KIAA2012: variants seen among roughly 807,000 people sequenced by gnomAD.
KIAA2012 encodes KIAA2012.
In KIAA2012, 125 loss-of-function variants were observed where a neutral mutation model predicts 150.6. The observed-to-expected ratio is 0.83, with a 90% CI of 0.72 to 0.96. The LOEUF is 0.96. Among genes scored for constraint, KIAA2012 ranks in the 40% least tolerant of loss-of-function variants. The pLI is 0.00. For missense variants in KIAA2012, 1,219 were observed against 1,354.9 expected (o/e 0.90, Z 1.57); for synonymous variants, 462 against 504.7 (o/e 0.92, Z 1.13).
intron 17 of KIAA2012, among the ~76,000 whole-genome samples, chr2:202,187,628 G>T (rs1236169782): frequency 6.6e-6 from 1 of 152,108 alleles, no homozygotes; most frequent in South Asian, 2.1e-4. Context: ...TCCTACAAAG[G>T]TACTGAGTGG....
At chr2:202,078,865 GA>G (rs1224143449) in intron 2 of KIAA2012, among the ~76,000 whole-genome samples, 3 of 152,102 alleles carry the variant, frequency 2.0e-5, no homozygotes, top group Non-Finnish European at 4.4e-5. Flanking sequence ...AGGCCACATA[GA>G]AAACATCACC....
At chr2:202,100,150 C>G (rs1690003561) in intron 6 of KIAA2012, among the ~76,000 whole-genome samples, 157 bp from the exon 7 acceptor site, 1 of 152,214 alleles carries the variant, frequency 6.6e-6, no homozygotes, top group Admixed American at 6.5e-5. Flanking sequence ...GACTGGGGCT[C>G]TCTGAACCTG....
intron 2 of KIAA2012, among the ~76,000 whole-genome samples, chr2:202,077,938 C>G (rs1574998395): frequency 6.6e-6 from 1 of 152,156 alleles, no homozygotes; most frequent in Non-Finnish European, 1.5e-5. Flanking sequence ...AATCATAATA[C>G]CCAGTGCCAG....
At chr2:202,179,717 G>A (rs778185188) in intron 15 of KIAA2012, 123 of 660,490 alleles carry the variant, frequency 1.9e-4, no homozygotes, top group Middle Eastern at 5.6e-4. Flanking sequence ...TGGAATGAGG[G>A]ACAACCATAT....
intron 15 of KIAA2012, among the ~76,000 whole-genome samples, chr2:202,167,344 G>A (rs1176273463): frequency 1.3e-5 from 2 of 152,098 alleles, no homozygotes; most frequent in Non-Finnish European, 2.9e-5. Context: ...TCTAGGCCCC[G>A]CCCTCAGAGT....
intron 12 of KIAA2012, among the ~76,000 whole-genome samples, chr2:202,132,756 G>GTATA (rs1451442455): frequency 2.3e-5 from 2 of 87,784 alleles, no homozygotes; most frequent in African/African-American, 8.8e-5. Flanking sequence ...TAGTATATAT[G>GTATA]TATATATATA....
At chr2:202,129,467 G>T (rs1201379336) in intron 12 of KIAA2012, among the ~76,000 whole-genome samples, 1 of 152,018 alleles carries the variant, frequency 6.6e-6, no homozygotes, top group African/African-American at 2.4e-5. Context: ...TGATCCACCC[G>T]CCTCGGCCTC....
intron 15 of KIAA2012, among the ~76,000 whole-genome samples, chr2:202,181,683 T>C (rs868156469): frequency 6.6e-6 from 1 of 152,178 alleles, no homozygotes; most frequent in Non-Finnish European, 1.5e-5. Flanking sequence ...TATGGAAATA[T>C]GATATTCATT....
rs771502675 is a variant in KIAA2012, at chr2:202,170,809, G to A, written c.2119+5453G>A. Among the ~76,000 whole-genome samples, 6 of 152,206 alleles carry A rather than the reference G, an allele frequency of 3.9e-5. No homozygotes were observed. In the East Asian group the frequency reaches 1.2e-3, roughly 29 times the overall value. On this transcript the variant is annotated intron_variant, in intron 15 of 23. Coordinates refer to ENST00000498697, the MANE Select transcript of KIAA2012 (RefSeq NM_001277372.4). ...GTGATGAAGACATCAAGAGAAGGCAGCAGTTCACACTCCCTGTGTGCCAGG... is the reference window on the plus strand; with the variant it reads ...GTGATGAAGACATCAAGAGAAGGCAACAGTTCACACTCCCTGTGTGCCAGG...
At chr2:202,087,507 T>C (rs1689599869) in intron 2 of KIAA2012, among the ~76,000 whole-genome samples, 1 of 32,184 alleles carries the variant, frequency 3.1e-5, no homozygotes, top group Non-Finnish European at 5.5e-5. Flanking sequence ...AGCGAAACCA[T>C]CTCAAAAAAA....
chr2:202,075,652 T>C (rs1689309369), intron 2 of KIAA2012, among the ~76,000 whole-genome samples: 1 of 152,240 alleles, frequency 6.6e-6, no homozygotes, highest in Non-Finnish European at 1.5e-5. Context: ...TTTTCCATCC[T>C]GAATACAATA....
At chr2:202,116,021 T>C (rs1362496769) in intron 11 of KIAA2012, 1 of 152,170 alleles carries the variant, frequency 6.6e-6, no homozygotes, top group Non-Finnish European at 1.5e-5. Context: ...AAAGTTAACT[T>C]AGAAGGATAC....
intron 15 of KIAA2012, chr2:202,179,724 A>G: frequency 1.5e-6 from 1 of 659,070 alleles, no homozygotes; most frequent in Non-Finnish European, 2.9e-6. Context: ...AGGGACAACC[A>G]TATTTATTTC....
At chr2:202,100,658 T>C (rs1275863930) in intron 7 of KIAA2012, among the ~76,000 whole-genome samples, 1 of 152,242 alleles carries the variant, frequency 6.6e-6, no homozygotes. Flanking sequence ...GAATTTCAGC[T>C]GCCACCAATT....
intron 23 of KIAA2012, among the ~76,000 whole-genome samples, chr2:202,202,791 A>G (rs531126096): frequency 5.3e-5 from 8 of 152,110 alleles, no homozygotes; most frequent in Non-Finnish European, 8.8e-5. Flanking sequence ...TTAGCCAGGC[A>G]TGGTGGGGTG....
chr2:202,189,928 C>T (rs1372661994), intron 18 of KIAA2012, among the ~76,000 whole-genome samples: 1 of 151,866 alleles, frequency 6.6e-6, no homozygotes, highest in Non-Finnish European at 1.5e-5. Flanking sequence ...CCTGTTTCTA[C>T]AAAAAATACA....
At chr2:202,096,050 C>A (rs185645620) in intron 4 of KIAA2012, among the ~76,000 whole-genome samples, 3 of 152,158 alleles carry the variant, frequency 2.0e-5, no homozygotes, top group Admixed American at 6.5e-5. Context: ...TGCCACTGCA[C>A]TCCAGCCTGG....
intron 2 of KIAA2012, among the ~76,000 whole-genome samples, chr2:202,084,150 CTCTT>C (rs1689510807): frequency 6.6e-6 from 1 of 152,096 alleles, no homozygotes; most frequent in South Asian, 2.1e-4. Context: ...GGGGGTTTCT[CTCTT>C]CACGCTTCTG....
intron 13 of KIAA2012, among the ~76,000 whole-genome samples, chr2:202,143,068 T>G (rs948045707): frequency 7.5e-6 from 1 of 134,122 alleles, no homozygotes; most frequent in Non-Finnish European, 1.5e-5. Flanking sequence ...TGACAACCAC[T>G]GGTTTAATTT....
Sources: gnomAD v4.1 joint callset for allele counts (sites outside exome capture counted in the v4.1 genomes callset) on GRCh38, gnomAD v4.1.1 for gene constraint, MANE v1.5 for transcripts, NCBI Gene and HGNC (gene_info 2026-07-23, HGNC 2026-07-21) for gene names.